Variants in PLCG2 observed in about 807,000 individuals in gnomAD.
PLCG2 encodes the protein phospholipase C gamma 2.
In PLCG2, 69 loss-of-function variants were observed where a neutral mutation model predicts 175.6. The ratio of observed to expected loss-of-function variants is 0.39; its 90% CI spans 0.32 to 0.48. The LOEUF (loss-of-function observed/expected upper bound fraction) is 0.48. Among genes scored for constraint, PLCG2 ranks in the 20% least tolerant of loss-of-function variants. The probability of loss-of-function intolerance (pLI) is 0.91; values close to 1 mark genes in which losing one functional copy is unlikely to be tolerated. For missense variants in PLCG2, 1,798 were observed against 1,650.9 expected (o/e 1.09, Z -1.54); for synonymous variants, 827 against 624.0 (o/e 1.33, Z -4.85).
rs1905187750 is a variant in PLCG2, at chr16:81,829,765, G to C, written c.194-24679G>C. 2.0e-5 allele frequency among the ~76,000 whole-genome samples: 3 copies of C among 152,244 alleles called. No individual in the cohort carries two copies. The South Asian group carries it at 6.2e-4, about 32-fold the overall frequency. On this transcript the variant is annotated intron_variant, in intron 2 of 32. Coordinates refer to ENST00000564138, the MANE Select transcript of PLCG2 (RefSeq NM_002661.5). The stretch of plus-strand genomic sequence containing the variant: ...TTCCATTGGTGACAAGAGCCATTTT[G>C]TCCACTCTCTCCTGCTGGGCATTTG...
chr16:81,884,113 G>A (rs1908231798), intron 9 of PLCG2, among the ~76,000 whole-genome samples: 1 of 152,204 alleles, frequency 6.6e-6, no homozygotes, highest in South Asian at 2.1e-4. Flanking sequence ...CACTTTGGGA[G>A]GCCGAGGCGG....
intron 19 of PLCG2, 139 bp downstream of exon 19, chr16:81,912,855 C>T: frequency 9.3e-7 from 1 of 1,076,592 alleles, no homozygotes; most frequent in Non-Finnish European, 1.3e-6. Context: ...ACAACCACCA[C>T]AGCAAAAGCC....
chr16:81,767,884 T>G (rs4441265), intron 2 of PLCG2: 68,462 of 151,924 alleles, frequency 0.45, 15,648 homozygotes, highest in East Asian at 0.66. Flanking sequence ...GGTGTCTTTT[T>G]TGGGGGGAGT....
At chr16:81,864,910 GAAT>G (rs1907154472) in intron 5 of PLCG2, among the ~76,000 whole-genome samples, 1 of 152,136 alleles carries the variant, frequency 6.6e-6, no homozygotes, top group Non-Finnish European at 1.5e-5. Flanking sequence ...CTCATTCAGG[GAAT>G]AGTTGCCGTC....
At chr16:81,814,129 G>A (rs2143305965) in intron 2 of PLCG2, among the ~76,000 whole-genome samples, 1 of 152,308 alleles carries the variant, frequency 6.6e-6, no homozygotes. Context: ...GCTGGGGTCT[G>A]TGTGTTAGTG....
chr16:81,848,640 C>A (rs1419180793), intron 2 of PLCG2, among the ~76,000 whole-genome samples: 1 of 152,158 alleles, frequency 6.6e-6, no homozygotes, highest in Non-Finnish European at 1.5e-5. Flanking sequence ...GCTCAGTCAT[C>A]AGTAATTTGA....
chr16:81,886,419 T>C (rs1449150822), intron 9 of PLCG2, among the ~76,000 whole-genome samples: 2 of 152,228 alleles, frequency 1.3e-5, no homozygotes, highest in African/African-American at 4.8e-5. Context: ...ATGCCTTTTC[T>C]AGAAAACACT....
At chr16:81,763,296 C>T (rs1045016708) in intron 2 of PLCG2, among the ~76,000 whole-genome samples, 1 of 152,208 alleles carries the variant, frequency 6.6e-6, no homozygotes, top group Non-Finnish European at 1.5e-5. Flanking sequence ...TGCTGCATAA[C>T]AGATGACTCC....
intron 2 of PLCG2, among the ~76,000 whole-genome samples, chr16:81,827,033 C>T (rs1905075206): frequency 6.6e-6 from 1 of 152,144 alleles, no homozygotes; most frequent in Non-Finnish European, 1.5e-5. Flanking sequence ...AGGGAATTTC[C>T]TCATGTTTTG....
chr16:81,797,709 G>C (rs1911533527), intron 2 of PLCG2, among the ~76,000 whole-genome samples: 1 of 152,206 alleles, frequency 6.6e-6, no homozygotes, highest in Non-Finnish European at 1.5e-5. Context: ...GTTGAGATAG[G>C]GCACCTCTGT....
chr16:81,909,068 C>T (rs1386939349), intron 17 of PLCG2, among the ~76,000 whole-genome samples: 1 of 152,242 alleles, frequency 6.6e-6, no homozygotes, highest in African/African-American at 2.4e-5. Flanking sequence ...CATCCACCCA[C>T]TTATCCATGT....
intron 2 of PLCG2, among the ~76,000 whole-genome samples, chr16:81,812,114 A>G (rs544131336): frequency 6.3e-4 from 80 of 126,924 alleles, no homozygotes; most frequent in African/African-American, 2.4e-3. Context: ...CAGTGGCGCT[A>G]TCTCAGCTCA....
intron 7 of PLCG2, among the ~76,000 whole-genome samples, chr16:81,874,062 C>A (rs1189389628): frequency 1.3e-5 from 2 of 152,158 alleles, no homozygotes; most frequent in African/African-American, 4.8e-5. Context: ...AAAGGTTGAC[C>A]CCTGGTGGCC....
intron 2 of PLCG2, among the ~76,000 whole-genome samples, chr16:81,817,159 A>T (rs1015488277): frequency 6.6e-6 from 1 of 152,144 alleles, no homozygotes; most frequent in Non-Finnish European, 1.5e-5. Flanking sequence ...AGCACAAGGG[A>T]CAGGAAGAGC....
At chr16:81,822,710 G>C (rs112942016) in intron 2 of PLCG2, among the ~76,000 whole-genome samples, 1 of 128,418 alleles carries the variant, frequency 7.8e-6, no homozygotes, top group Non-Finnish European at 1.6e-5. Context: ...TGAGTGAACC[G>C]AGTTCATGCC....
intron 7 of PLCG2, among the ~76,000 whole-genome samples, chr16:81,873,116 A>G (rs1003311068): frequency 6.6e-6 from 1 of 152,250 alleles, no homozygotes; most frequent in Non-Finnish European, 1.5e-5. Flanking sequence ...CAAATGAAAT[A>G]GAAAGATTGC....
intron 2 of PLCG2, among the ~76,000 whole-genome samples, chr16:81,773,115 G>T (rs1447335170): frequency 6.6e-6 from 1 of 152,190 alleles, no homozygotes. Context: ...GGCAGAGCAG[G>T]CTTTGTGACC....
chr16:81,850,448 C>G (rs1401851118), intron 2 of PLCG2, among the ~76,000 whole-genome samples: 1 of 152,102 alleles, frequency 6.6e-6, no homozygotes, highest in African/African-American at 2.4e-5. Context: ...AAGGAAGACT[C>G]AGATTTCTGG....
In PLCG2 at chr16:81,860,175, T is replaced by TTATTATTATTATTA. The variant is rs1567503036; in HGVS notation, c.479+1013_479+1014insATTATTATTATTAT. Among the ~76,000 whole-genome samples, 236 of 89,366 alleles carry TTATTATTATTATTA rather than the reference T, an allele frequency of 2.6e-3. 1 individual carries two copies. The highest frequency in any genetic ancestry group is 1.8e-3 in the Non-Finnish European group (71 of 40,208). 58.6% of individuals were successfully genotyped at this position (89,366 alleles called of 152,430 possible). On this transcript the variant is annotated intron_variant, in intron 5 of 32. Coordinates refer to ENST00000564138, the MANE Select transcript of PLCG2 (RefSeq NM_002661.5). ...TATTATTATTATTATTATTATTATTTTTTTTTTTTTTTGTAAAGGTGAAGT... is the reference window on the plus strand; with the variant it reads ...TATTATTATTATTATTATTATTATTTTATTATTATTATTATTTTTTTTTTTTGTAAAGGTGAAGT...
Sources: gnomAD v4.1 joint callset for allele counts (sites outside exome capture counted in the v4.1 genomes callset) on GRCh38, gnomAD v4.1.1 for gene constraint, MANE v1.5 for transcripts, NCBI Gene and HGNC (gene_info 2026-07-23, HGNC 2026-07-21) for gene names.